The following CCDC127 variants were observed in gnomAD, a reference collection of about 807,000 sequenced individuals.
CCDC127 encodes coiled-coil domain containing 127, also known as coiled-coil domain-containing protein 127.
A neutral mutation model predicts 4.1 loss-of-function variants in CCDC127; 2 were observed. That is an observed-to-expected ratio of 0.49 (90% confidence interval 0.20 to 1.53). CCDC127 has a LOEUF of 1.53. Among genes scored for constraint, CCDC127 ranks in the 40% most tolerant of loss-of-function variants. The pLI is 0.23. For missense variants in CCDC127, 271 were observed against 322.9 expected (o/e 0.84, Z 1.23); for synonymous variants, 98 against 120.4 (o/e 0.81, Z 1.22).
intron 2 of CCDC127, chr5:214,268 C>T (rs146219501): frequency 1.3e-5 from 2 of 152,340 alleles, no homozygotes; most frequent in East Asian, 3.9e-4. Context: ...TTGGCTGTGA[C>T]ACTGCACTAT....
intron 2 of CCDC127, 40 bp downstream of exon 2, chr5:216,689 C>T: frequency 2.5e-6 from 4 of 1,613,442 alleles, no homozygotes; most frequent in Admixed American, 1.7e-5. Context: ...TCCACACTCT[C>T]AGCCTGGAAA....
Position 201,371 on chromosome 5 carries a change from T to C in CCDC127, c.*3926A>G, listed in dbSNP as rs981111652. The C allele has an allele frequency of 6.6e-6, 1 of 152,214 alleles. No homozygotes were observed. Among genetic ancestry groups the C allele is most frequent in the African/African-American group, 2.4e-5 (1 of 41,450 alleles). The allele number at this position is 152,214 out of a possible 1,614,324, so 9.4% of individuals were successfully genotyped here. On this transcript the variant is annotated 3_prime_UTR_variant, in exon 3 of 3. Transcript: ENST00000296824. ...TATGAAGCAATCACTTTTTAAACAA[T>C]CCAACACAGAAATAGTCCGTTACAC...
intron 2 of CCDC127, among the ~76,000 whole-genome samples, chr5:210,681 A>G (rs1333897625): frequency 7.5e-4 from 111 of 148,410 alleles, no homozygotes; most frequent in African/African-American, 2.7e-3. Flanking sequence ...GACATCGCAC[A>G]CTGCAGCCAC....
chr5:212,506 G>C (rs1371604525), intron 2 of CCDC127, among the ~76,000 whole-genome samples: 4 of 10,674 alleles, frequency 3.7e-4, no homozygotes, highest in Admixed American at 1.4e-3. Flanking sequence ...ACACCCATCA[G>C]GATGGGGCAG....
At chr5:217,370 C>A (rs1348375697) in intron 1 of CCDC127, 2 of 155,812 alleles carry the variant, frequency 1.3e-5, no homozygotes, top group Non-Finnish European at 2.8e-5. Flanking sequence ...AGCATTATTT[C>A]TGGGCGTGTC....
chr5:212,268 C>T (rs1734296144), intron 2 of CCDC127, among the ~76,000 whole-genome samples: 1 of 39,546 alleles, frequency 2.5e-5, no homozygotes, highest in African/African-American at 1.9e-4. Context: ...AGTGTGAGCA[C>T]GCTGATGCTC....
At chr5:208,248 C>T (rs1734216404) in intron 2 of CCDC127, among the ~76,000 whole-genome samples, 1 of 152,178 alleles carries the variant, frequency 6.6e-6, no homozygotes, top group Non-Finnish European at 1.5e-5. Context: ...AGAAGGCAGA[C>T]TGGCTTGGGT....
At chr5:213,852 CGA>C (rs1339018620) in intron 2 of CCDC127, 1 of 152,160 alleles carries the variant, frequency 6.6e-6, no homozygotes, top group African/African-American at 2.4e-5. Context: ...GCCCTTTATC[CGA>C]GAGAAATGAA....
chr5:216,014 A>G (rs1313963802), intron 2 of CCDC127: 1 of 151,482 alleles, frequency 6.6e-6, no homozygotes, highest in South Asian at 2.1e-4. Context: ...AGTCTCCCAA[A>G]GACTGATTTC....
intron 1 of CCDC127, 67 bp downstream of exon 1, chr5:218,026 G>A (rs1411359879): frequency 1.0e-6 from 1 of 966,728 alleles, no homozygotes; most frequent in Admixed American, 5.2e-5. Flanking sequence ...GGCGATCCCG[G>A]AGAACCACCC....
Position 205,544 on chromosome 5 carries a change from G to C in CCDC127, c.536C>G (p.Pro179Arg). 6.2e-7 allele frequency: 1 copy of C among 1,614,056 alleles called. No individual in the cohort carries two copies. The highest frequency in any genetic ancestry group is 1.1e-5 in the South Asian group (1 of 91,086). ...RQNIYCSLFLPRSKRLEIEKS... is the reference protein window; with the variant it reads ...RQNIYCSLFLRRSKRLEIEKS... ...CTCTATCTCCAGCCGCTTGCTGCGA[G>C]GAAGAAACAGACTGCAGTAGATATT... The change falls in exon 3 of 3, where the codon CCT becomes CGT. Residue 179 changes from proline to arginine, a missense_variant. This residue lies in a region of CCDC127 where 265 missense variants were observed against 270.9 expected (regional missense o/e 0.98). Coordinates refer to ENST00000296824, the MANE Select transcript of CCDC127 (RefSeq NM_145265.3).
In CCDC127 at chr5:197,906, C is replaced by CG. The variant is rs1200266806; in HGVS notation, c.*7390_*7391insC. Reference sequence around the variant, plus strand: ...TCACCCCACTCCAGGTGTGCCCCCACCCCTGCTGCCCCGTGTCTCCCCCTC... The same window carrying CG: ...TCACCCCACTCCAGGTGTGCCCCCACGCCCTGCTGCCCCGTGTCTCCCCCTC... On this transcript the variant is annotated 3_prime_UTR_variant, in exon 3 of 3. Transcript: ENST00000296824. 8.8e-6 allele frequency: 1 copy of CG among 113,244 alleles called. No individual in the cohort carries two copies. Among genetic ancestry groups the CG allele is most frequent in the Non-Finnish European group, 2.1e-5 (1 of 48,168 alleles). The allele number at this position is 113,244 out of a possible 1,614,324, so 7.0% of individuals were successfully genotyped here. A position where few individuals can be genotyped will look rare whatever the true frequency, so the allele number is the denominator to read the frequency against.
At position 201,239 on chromosome 5, in the gene CCDC127, G is replaced by A. The variant is rs13354111; in HGVS notation, c.*4058C>T. 3.9e-4 allele frequency: 59 copies of A among 152,402 alleles called. No homozygotes were observed. Among genetic ancestry groups the A allele is most frequent in the African/African-American group, 1.4e-3 (58 of 41,588 alleles). The allele number at this position is 152,402 out of a possible 1,614,324, so 9.4% of individuals were successfully genotyped here. Reference sequence around the variant, plus strand: ...CACACTGCAGTTTGGTCTCTGCAATGTCACAGGTGTAGTCTTCAGACTTGC... The same window carrying A: ...CACACTGCAGTTTGGTCTCTGCAATATCACAGGTGTAGTCTTCAGACTTGC... On this transcript the variant is annotated 3_prime_UTR_variant, in exon 3 of 3. Transcript: ENST00000296824.
At position 197,590 on chromosome 5, in the gene CCDC127, C is replaced by CAA. The variant is rs1733989548; in HGVS notation, c.*7706_*7707insTT. 1 of 152,406 alleles carries CAA rather than the reference C, an allele frequency of 6.6e-6. No homozygotes were observed. The highest frequency in any genetic ancestry group is 1.5e-5 in the Non-Finnish European group (1 of 68,202). 9.4% of individuals were successfully genotyped at this position (152,406 alleles called of 1,614,324 possible). ...GCACGTCCTGCACAGCCCTAGATCC[C>CAA]TTAAACCTTGATTTCATACAACACA... is the stretch of plus-strand genomic sequence containing the variant. On this transcript the variant is annotated 3_prime_UTR_variant, in exon 3 of 3. Transcript: ENST00000296824.
intron 2 of CCDC127, among the ~76,000 whole-genome samples, chr5:212,518 C>T (rs1579362029): frequency 1.2e-4 from 1 of 8,686 alleles, no homozygotes; most frequent in Non-Finnish European, 2.7e-4. Flanking sequence ...ATGGGGCAGA[C>T]GGGACAGCAA....
At position 205,902 on chromosome 5, in the gene CCDC127, G is replaced by A. The variant is rs769624075; in HGVS notation, c.178C>T (p.Arg60Cys). 50 of 1,613,920 alleles carry A rather than the reference G, an allele frequency of 3.1e-5. No homozygotes were observed. Among genetic ancestry groups the A allele is most frequent in the South Asian group, 1.8e-4 (16 of 91,074 alleles). The change falls in exon 3 of 3, where the codon CGT (arginine) becomes TGT (cysteine). Residue 60 changes from arginine (R) to cysteine (C), a missense_variant. Arg to Cys is a radical substitution (Grantham distance 180, BLOSUM62 -3). Transcript: ENST00000296824. ...KEVEKEREAY[R>C]RRTAAFQQDL... is the part of the protein sequence containing the mutation. ...TGTTGAAAAGCAGCAGTTCTCCGACGGTAGGCTTCTCTCTCTTTTTCTACT... is the reference window on the plus strand; with the variant it reads ...TGTTGAAAAGCAGCAGTTCTCCGACAGTAGGCTTCTCTCTCTTTTTCTACT...
rs201139003 is a variant in CCDC127, at chr5:205,713, C to G, written c.367G>C (p.Glu123Gln). ...TTTTCTTGCATCACCTGGGCCCGTTCCTGTTCCAGAAGCTTCTTTTCTTCT... is the reference window on the plus strand; with the variant it reads ...TTTTCTTGCATCACCTGGGCCCGTTGCTGTTCCAGAAGCTTCTTTTCTTCT... ...LVEEKKLLEQERAQVMQEKRQ... is the reference protein window; with the variant it reads ...LVEEKKLLEQQRAQVMQEKRQ... The change falls in exon 3 of 3, where the codon GAA becomes CAA. Residue 123 changes from glutamate (E) to glutamine (Q), a missense_variant. Physicochemically the swap from Glu to Gln is conservative, Grantham distance 29. Transcript: ENST00000296824. The G allele has an allele frequency of 6.2e-7, 1 of 1,614,190 alleles. No homozygotes were observed. The highest frequency in any genetic ancestry group is 8.5e-7 in the Non-Finnish European group (1 of 1,180,040).
At chr5:214,385 T>G (rs933562788) in intron 2 of CCDC127, 14 of 152,102 alleles carry the variant, frequency 9.2e-5, no homozygotes, top group Non-Finnish European at 1.5e-5. Flanking sequence ...AATAAAATAT[T>G]TAATTAAAAG....
chr5:210,251 T>G (rs1412059598), intron 2 of CCDC127, among the ~76,000 whole-genome samples: 2 of 152,194 alleles, frequency 1.3e-5, no homozygotes, highest in Non-Finnish European at 2.9e-5. Context: ...TCTTAGACTT[T>G]CCACAAAAAG....
Sources: allele counts gnomAD v4.1 joint callset (sites outside exome capture counted in the v4.1 genomes callset), GRCh38; gene constraint gnomAD v4.1.1; regional missense constraint gnomAD v4.1.1; transcripts MANE v1.5; gene names NCBI Gene and HGNC (gene_info 2026-07-23, HGNC 2026-07-21).